The following AAK1 variants were observed in gnomAD, a reference collection of about 807,000 sequenced individuals.
AAK1 encodes the protein AP2 associated kinase 1.
A neutral mutation model predicts 116.0 loss-of-function variants in AAK1; 37 were observed. That is an observed-to-expected ratio of 0.32 (90% CI 0.25 to 0.42). The LOEUF (loss-of-function observed/expected upper bound fraction) is 0.42, where lower values mean the gene tolerates loss of function less well. Among genes scored for constraint, AAK1 ranks in the 10% least tolerant of loss-of-function variants. The probability of loss-of-function intolerance (pLI) is 1.00; values close to 1 mark genes in which losing one functional copy is unlikely to be tolerated. For missense variants in AAK1, 919 were observed against 1,170.6 expected, an observed-to-expected ratio of 0.79 and a Z score of 3.14; for synonymous variants, 458 against 439.9, an observed-to-expected ratio of 1.04 and a Z score of -0.51.
intron 2 of AAK1, among the ~76,000 whole-genome samples, chr2:69,558,808 A>C (rs2105089520): frequency 6.6e-6 from 1 of 152,340 alleles, no homozygotes. Flanking sequence ...TAGGCCTCTG[A>C]GAAATAAAGC....
chr2:69,509,512 A>G, intron 13 of AAK1, 52 bp from the exon 14 acceptor site: 1 of 1,464,872 alleles, frequency 6.8e-7, no homozygotes, highest in Non-Finnish European at 9.2e-7. Flanking sequence ...AAAAAAGTTA[A>G]AGGAAAAACA....
At chr2:69,608,335 G>A (rs1673907383) in intron 2 of AAK1, among the ~76,000 whole-genome samples, 1 of 152,190 alleles carries the variant, frequency 6.6e-6, no homozygotes, top group Non-Finnish European at 1.5e-5. Flanking sequence ...GGTCTGGCAC[G>A]GGCAGCCAGT....
intron 2 of AAK1, among the ~76,000 whole-genome samples, chr2:69,588,692 G>T (rs1194711806): frequency 1.3e-5 from 2 of 151,728 alleles, no homozygotes; most frequent in African/African-American, 4.8e-5. Flanking sequence ...ACAGCTACAT[G>T]ATTTTTTTTT....
At chr2:69,559,679 A>G (rs1671548486) in intron 2 of AAK1, among the ~76,000 whole-genome samples, 1 of 152,230 alleles carries the variant, frequency 6.6e-6, no homozygotes, top group Non-Finnish European at 1.5e-5. Flanking sequence ...TAGGAGTCCC[A>G]TGGCTAGTTA....
intron 2 of AAK1, among the ~76,000 whole-genome samples, chr2:69,618,580 G>A (rs1443636217): frequency 6.6e-6 from 1 of 152,098 alleles, no homozygotes; most frequent in Non-Finnish European, 1.5e-5. Flanking sequence ...AAAAATTCCT[G>A]CTCCTTTGAG....
At chr2:69,495,890 G>A in intron 17 of AAK1, 95 bp downstream of exon 17, 1 of 993,446 alleles carries the variant, frequency 1.0e-6, no homozygotes, top group Non-Finnish European at 1.5e-6. Context: ...TTGGAATTCA[G>A]ATCCTTTTCA....
rs1674772446 is a variant in AAK1, at chr2:69,474,239, G to A, written c.*1630C>T. 1.0e-6 allele frequency: 1 copy of A among 985,700 alleles called. No homozygotes were observed. The highest frequency in any genetic ancestry group is 4.7e-5 in the South Asian group (1 of 21,288). The allele number at this position is 985,700 out of a possible 1,614,324, so 61.1% of individuals were successfully genotyped here. A position where few individuals can be genotyped will look rare whatever the true frequency, so the allele number is the denominator to read the frequency against. On this transcript the variant is annotated 3_prime_UTR_variant, in exon 22 of 22. Transcript: ENST00000409085. ...GAAGAAGAAACAAAAGTACTAGATA[G>A]CAAAACAAGCAAATGGACTTGGAAT...
At chr2:69,617,532 G>T (rs1012671078) in intron 2 of AAK1, among the ~76,000 whole-genome samples, 6 of 152,216 alleles carry the variant, frequency 3.9e-5, no homozygotes, top group Non-Finnish European at 7.3e-5. Flanking sequence ...AAAAAGATGA[G>T]TGAGAACCTA....
At position 69,467,951 on chromosome 2, in the gene AAK1, C is replaced by T; in HGVS notation, c.*7918G>A. 2.0e-6 allele frequency: 2 copies of T among 985,326 alleles called. No individual in the cohort carries two copies. Among genetic ancestry groups the T allele is most frequent in the Non-Finnish European group, 2.4e-6 (2 of 829,904 alleles). 61.0% of individuals were successfully genotyped at this position (985,326 alleles called of 1,614,324 possible). A position where few individuals can be genotyped will look rare whatever the true frequency, so the allele number is the denominator to read the frequency against. Reference sequence around the variant, plus strand: ...GTGCTTCTTTTTAAACAGTTCTGACCTTAAATATTGTTTTCAGAAACAGAA... The same window carrying T: ...GTGCTTCTTTTTAAACAGTTCTGACTTTAAATATTGTTTTCAGAAACAGAA... On this transcript the variant is annotated 3_prime_UTR_variant, in exon 22 of 22. Coordinates refer to ENST00000409085, the MANE Select transcript of AAK1 (RefSeq NM_014911.5).
chr2:69,518,677 A>C (rs1026923526), intron 12 of AAK1, among the ~76,000 whole-genome samples: 3 of 152,098 alleles, frequency 2.0e-5, no homozygotes, highest in Admixed American at 2.0e-4. Flanking sequence ...TCGGCCTCCC[A>C]AAGTGCTGGG....
rs1472794032 is a variant in AAK1 at position 69,475,560 on chromosome 2, G to C, written c.*309C>G. 2.7e-6 allele frequency: 3 copies of C among 1,101,826 alleles called. No individual in the cohort carries two copies. The highest frequency in any genetic ancestry group is 1.6e-5 in the African/African-American group (1 of 61,462). 68.3% of individuals were successfully genotyped at this position (1,101,826 alleles called of 1,614,324 possible). On this transcript the variant is annotated 3_prime_UTR_variant, in exon 22 of 22. Coordinates refer to ENST00000409085, the MANE Select transcript of AAK1 (RefSeq NM_014911.5). ...AGTTTCAGTTACAGTTAAGCTTTTGGTGGAGTTGATTCCAGCAGAGGTGAA... is the reference window on the plus strand; with the variant it reads ...AGTTTCAGTTACAGTTAAGCTTTTGCTGGAGTTGATTCCAGCAGAGGTGAA...
At position 69,627,069 on chromosome 2, in the gene AAK1, C is replaced by T. The variant is rs182816835; in HGVS notation, c.163+15809G>A. On this transcript the variant is annotated intron_variant, in intron 2 of 21. Coordinates refer to ENST00000409085, the MANE Select transcript of AAK1 (RefSeq NM_014911.5). ...TTGGGAGGCCGAGGCGGGTGGATCT[C>T]CTGAGGTCAGGAGTTCGAGACCAGC... 4.0e-3 allele frequency among the ~76,000 whole-genome samples: 605 copies of T among 152,068 alleles called. 3 individuals are homozygous for T. Among genetic ancestry groups the T allele is most frequent in the Middle Eastern group, 0.017 (5 of 294 alleles).
rs776851976 is a variant in AAK1, at chr2:69,466,240, C to T, written c.*9629G>A. 7.8e-6 allele frequency: 10 copies of T among 1,289,676 alleles called. 1 individual carries two copies. Among genetic ancestry groups the T allele is most frequent in the South Asian group, 4.9e-5 (4 of 81,024 alleles). 79.9% of individuals were successfully genotyped at this position (1,289,676 alleles called of 1,614,324 possible). On this transcript the variant is annotated 3_prime_UTR_variant, in exon 22 of 22. Transcript: ENST00000409085. Reference sequence around the variant, plus strand: ...GAGACTTCTGGTGGAGCGAATGGAACGGCTCCTCCCAGCTTCCCCGGGGGG... The same window carrying T: ...GAGACTTCTGGTGGAGCGAATGGAATGGCTCCTCCCAGCTTCCCCGGGGGG...
At chr2:69,594,597 A>G (rs1451647023) in intron 2 of AAK1, 2 of 481,454 alleles carry the variant, frequency 4.2e-6, no homozygotes, top group Admixed American at 3.5e-5. Flanking sequence ...ACTATGTCTA[A>G]TTACCACAGG....
At chr2:69,620,527 G>A (rs1056538205) in intron 2 of AAK1, among the ~76,000 whole-genome samples, 13 of 152,086 alleles carry the variant, frequency 8.5e-5, no homozygotes, top group South Asian at 6.2e-4. Context: ...CTATAATTCC[G>A]TTTCCATCAC....
At chr2:69,620,507 T>C (rs1176245147) in intron 2 of AAK1, among the ~76,000 whole-genome samples, 1 of 152,232 alleles carries the variant, frequency 6.6e-6, no homozygotes, top group East Asian at 1.9e-4. Flanking sequence ...ACTCACCAAC[T>C]CACTGTAATC....
chr2:69,499,514 T>A (rs1017687614), intron 16 of AAK1, among the ~76,000 whole-genome samples: 5 of 152,188 alleles, frequency 3.3e-5, no homozygotes, highest in Admixed American at 1.3e-4. Flanking sequence ...TACAGAACTG[T>A]TCCATGAAAC....
At chr2:69,498,190 G>C (rs907881661) in intron 16 of AAK1, among the ~76,000 whole-genome samples, 3 of 152,158 alleles carry the variant, frequency 2.0e-5, no homozygotes, top group Non-Finnish European at 4.4e-5. Context: ...CTTGGCCTGG[G>C]CCATCAAATG....
intron 5 of AAK1, among the ~76,000 whole-genome samples, chr2:69,540,120 C>T (rs1300027961): frequency 3.0e-5 from 4 of 133,700 alleles, no homozygotes; most frequent in Non-Finnish European, 6.0e-5. Flanking sequence ...GCCCCACTTG[C>T]CTTTTTTTTT....
Sources: gnomAD v4.1 joint callset for allele counts (sites outside exome capture counted in the v4.1 genomes callset) on GRCh38, gnomAD v4.1.1 for gene constraint, MANE v1.5 for transcripts, NCBI Gene and HGNC (gene_info 2026-07-23, HGNC 2026-07-21) for gene names.